SECISBP2L: variants seen among roughly 807,000 people sequenced by gnomAD.
SECISBP2L encodes the protein SECIS binding protein 2 like.
In SECISBP2L, 43 loss-of-function variants were observed where a neutral mutation model predicts 114.7. The observed-to-expected ratio is 0.38, with a 90% CI of 0.29 to 0.48. The LOEUF is 0.48. Ranked by LOEUF, SECISBP2L falls within the 20% of genes least tolerant of loss-of-function variation. The pLI, the probability that SECISBP2L is intolerant of heterozygous loss-of-function variation, is 0.98. For synonymous variants in SECISBP2L, 451 were observed against 439.7 expected, an observed-to-expected ratio of 1.03 and a Z score of -0.32; for missense variants, 1,136 against 1,301.1, an observed-to-expected ratio of 0.87 and a Z score of 1.95.
chr15:49,020,797 C>T (rs1902626159), intron 7 of SECISBP2L, among the ~76,000 whole-genome samples: 1 of 152,110 alleles, frequency 6.6e-6, no homozygotes, highest in Non-Finnish European at 1.5e-5. Context: ...CATGATTCAC[C>T]GTGCCCAGCT....
In SECISBP2L at chr15:48,992,812, T is replaced by G. The variant is rs372115192; in HGVS notation, c.2738A>C (p.Asp913Ala). The G allele has an allele frequency of 5.0e-6, 8 of 1,614,024 alleles. No homozygotes were observed. Among genetic ancestry groups the G allele is most frequent in the Non-Finnish European group, 6.8e-6 (8 of 1,180,030 alleles). The change falls in exon 18 of 18, where the codon GAC becomes GCC. Residue 913 changes from aspartate (D) to alanine (A), a missense_variant. Coordinates refer to ENST00000559471, the MANE Select transcript of SECISBP2L (RefSeq NM_001193489.2). ...TGGCTGCTTACCAATTGGGGGTGTG[T>G]CAAATGGAAGTTTACTGGGTTTTTC... ...TSEKPSKLPF[D>A]TPPIGKQPSL...
At chr15:48,998,506 C>T (rs1161951700) in intron 16 of SECISBP2L, among the ~76,000 whole-genome samples, 1 of 151,766 alleles carries the variant, frequency 6.6e-6, no homozygotes, top group Non-Finnish European at 1.5e-5. Context: ...AGAAAATATG[C>T]AAATGGATAT....
intron 14 of SECISBP2L, among the ~76,000 whole-genome samples, chr15:49,008,822 C>A (rs985466585): frequency 2.6e-5 from 4 of 152,126 alleles, no homozygotes; most frequent in Middle Eastern, 3.2e-3. Context: ...AGGTTCACTT[C>A]ATATAATAGG....
chr15:49,012,609 C>T (rs1902458071), intron 12 of SECISBP2L, 39 bp downstream of exon 12: 1 of 1,594,686 alleles, frequency 6.3e-7, no homozygotes, highest in Non-Finnish European at 8.5e-7. Flanking sequence ...AATCCTTATT[C>T]ATCCTATAAA....
rs778526907 is a variant in SECISBP2L at position 49,009,312 on chromosome 15, A to G, written c.1931T>C (p.Met644Thr). 1 of 1,614,200 alleles carries G rather than the reference A, an allele frequency of 6.2e-7. No individual in the cohort carries two copies. ...SPASQNSPYC[M>T]TPVSQGSPAS... ...AGGAGAGCCTTGTGACACAGGTGTC[A>G]TACAGTATGGAGAGTTCTGACTTGC... The change falls in exon 14 of 18, where the codon ATG becomes ACG. Residue 644 changes from methionine (M) to threonine (T), a missense_variant. Met to Thr is a moderately conservative substitution (Grantham distance 81). Transcript: ENST00000559471.
At chr15:49,005,943 G>A (rs1326613256) in intron 14 of SECISBP2L, among the ~76,000 whole-genome samples, 3 of 152,078 alleles carry the variant, frequency 2.0e-5, no homozygotes, top group Admixed American at 2.0e-4. Flanking sequence ...TGTAAGGCAG[G>A]CATGGTGGTG....
chr15:49,020,873 AACAAT>A (rs938741572), intron 7 of SECISBP2L, among the ~76,000 whole-genome samples: 96 of 152,180 alleles, frequency 6.3e-4, no homozygotes, highest in African/African-American at 2.2e-3. Context: ...AAATAGATAA[AACAAT>A]TAGGAGAATA....
At chr15:49,010,572 A>G (rs1449928187) in intron 13 of SECISBP2L, among the ~76,000 whole-genome samples, 1 of 152,054 alleles carries the variant, frequency 6.6e-6, no homozygotes, top group Non-Finnish European at 1.5e-5. Context: ...GTGCAGTGGC[A>G]TGATCTCCAC....
At chr15:49,021,493 A>G (rs1278654854) in intron 7 of SECISBP2L, among the ~76,000 whole-genome samples, 1 of 152,164 alleles carries the variant, frequency 6.6e-6, no homozygotes, top group Non-Finnish European at 1.5e-5. Flanking sequence ...AAATATATGA[A>G]AAGTATAATC....
chr15:49,029,283 C>T (rs1178415670), intron 4 of SECISBP2L, among the ~76,000 whole-genome samples: 1 of 152,240 alleles, frequency 6.6e-6, no homozygotes, highest in East Asian at 1.9e-4. Context: ...CTCCCCTCCA[C>T]TACTATACCG....
At chr15:49,027,516 A>G (rs2141078836) in intron 6 of SECISBP2L, 36 bp from the exon 7 acceptor site, 2 of 1,376,606 alleles carry the variant, frequency 1.5e-6, no homozygotes, top group East Asian at 4.8e-5. Context: ...TAATTTACTT[A>G]TAAAAGGTAG....
rs958916974 is a variant in SECISBP2L, at chr15:49,012,924, C to T, written c.1562-107G>A. On this transcript the variant is annotated intron_variant, in intron 11 of 17. Coordinates refer to ENST00000559471, the MANE Select transcript of SECISBP2L (RefSeq NM_001193489.2). ...GAACATCCTCCTCCCATGGAAAAAACGACATCATAACAGTAGGAGCACTAT... is the reference window on the plus strand; with the variant it reads ...GAACATCCTCCTCCCATGGAAAAAATGACATCATAACAGTAGGAGCACTAT... 17 of 1,108,578 alleles carry T rather than the reference C, an allele frequency of 1.5e-5. No individual in the cohort carries two copies. In the Admixed American group the frequency reaches 2.0e-4, roughly 13 times the overall value. 68.7% of individuals were successfully genotyped at this position (1,108,578 alleles called of 1,614,324 possible).
intron 9 of SECISBP2L, among the ~76,000 whole-genome samples, 179 bp downstream of exon 9, chr15:49,017,369 G>C (rs1902557706): frequency 6.6e-6 from 1 of 152,148 alleles, no homozygotes; most frequent in Admixed American, 6.5e-5. Context: ...GGATTTCATA[G>C]GGTATTATCT....
At chr15:49,006,093 T>G (rs937450330) in intron 14 of SECISBP2L, among the ~76,000 whole-genome samples, 2 of 152,194 alleles carry the variant, frequency 1.3e-5, no homozygotes, top group African/African-American at 4.8e-5. Context: ...TCTTCTGGCT[T>G]GTAGGGTTTC....
intron 6 of SECISBP2L, 152 bp downstream of exon 6, chr15:49,027,992 T>C (rs968772102): frequency 1.4e-6 from 1 of 715,586 alleles, no homozygotes. Flanking sequence ...TTTCTCAAGC[T>C]GATCAGCAAA....
chr15:49,004,631 G>A (rs1255919102), intron 14 of SECISBP2L, among the ~76,000 whole-genome samples: 1 of 152,152 alleles, frequency 6.6e-6, no homozygotes, highest in Non-Finnish European at 1.5e-5. Context: ...AGTACGTTGT[G>A]TCTTTGTTCT....
Position 49,027,607 on chromosome 15 carries a change from A to T in SECISBP2L, c.920-127T>A, listed in dbSNP as rs879575728. 1.0e-2 allele frequency: 3,262 copies of T among 326,354 alleles called. 25 individuals are homozygous for T. Among genetic ancestry groups the T allele is most frequent in the Non-Finnish European group, 0.013 (2,364 of 180,234 alleles). The allele number at this position is 326,354 out of a possible 1,614,324, so 20.2% of individuals were successfully genotyped here. On this transcript the variant is annotated intron_variant, in intron 6 of 17. Coordinates refer to ENST00000559471, the MANE Select transcript of SECISBP2L (RefSeq NM_001193489.2). ...TAGTGAAAATTTTTCTATAAACCTTATTATTTTTTTTTTTTTTTGAGACAG... is the reference window on the plus strand; with the variant it reads ...TAGTGAAAATTTTTCTATAAACCTTTTTATTTTTTTTTTTTTTTGAGACAG...
At chr15:49,012,951 C>T in intron 11 of SECISBP2L, 134 bp from the exon 12 acceptor site, 4 of 779,740 alleles carry the variant, frequency 5.1e-6, no homozygotes, top group Non-Finnish European at 8.0e-6. Flanking sequence ...GAGCACTATA[C>T]ATGGCTAGGC....
chr15:49,016,306 A>C (rs1374576731), intron 11 of SECISBP2L: 1 of 318,666 alleles, frequency 3.1e-6, no homozygotes, highest in African/African-American at 2.2e-5. Flanking sequence ...GAGTAGTTAG[A>C]GTATGGATAT....
Sources: allele counts gnomAD v4.1 joint callset (sites outside exome capture counted in the v4.1 genomes callset), GRCh38; gene constraint gnomAD v4.1.1; transcripts MANE v1.5; gene names NCBI Gene and HGNC (gene_info 2026-07-23, HGNC 2026-07-21).